Variants in SMCHD1 observed in about 807,000 individuals in gnomAD.
The protein encoded by SMCHD1 is structural maintenance of chromosomes flexible hinge domain-containing protein 1.
Under a neutral mutation model 254.7 loss-of-function variants are expected in SMCHD1, and 78 were observed. That is an observed-to-expected ratio of 0.31 (90% CI 0.26 to 0.37). The LOEUF (loss-of-function observed/expected upper bound fraction) is 0.37, where lower values mean the gene tolerates loss of function less well. Ranked by LOEUF, SMCHD1 falls within the 10% of genes least tolerant of loss-of-function variation. The pLI, the probability that SMCHD1 is intolerant of heterozygous loss-of-function variation, is 1.00. For missense variants in SMCHD1, 1,840 were observed against 2,408.1 expected, an observed-to-expected ratio of 0.76 and a Z score of 4.94; for synonymous variants, 766 against 794.9, an observed-to-expected ratio of 0.96 and a Z score of 0.61.
intron 12 of SMCHD1, chr18:2,702,308 A>AAAAAAAAAAAAAAAAAG (rs57964967): frequency 8.3e-6 from 1 of 119,786 alleles, no homozygotes; most frequent in African/African-American, 2.8e-5. Context: ...AAAAAAAAAA[A>AAAAAAAAAAAAAAAAAG]GAAGGAAATG....
intron 45 of SMCHD1, among the ~76,000 whole-genome samples, chr18:2,792,941 C>CA (rs2076192333): frequency 6.6e-6 from 1 of 152,174 alleles, no homozygotes; most frequent in Non-Finnish European, 1.5e-5. Flanking sequence ...CCCACCCTGT[C>CA]ACAGCTTGCC....
intron 8 of SMCHD1, among the ~76,000 whole-genome samples, chr18:2,696,409 G>A (rs924333437): frequency 6.6e-6 from 1 of 152,278 alleles, no homozygotes; most frequent in African/African-American, 2.4e-5. Flanking sequence ...ATAGGAGCAC[G>A]AACCCTAATG....
chr18:2,773,118 T>C (rs186368727), intron 41 of SMCHD1, among the ~76,000 whole-genome samples: 3 of 152,262 alleles, frequency 2.0e-5, no homozygotes, highest in Admixed American at 2.0e-4. Flanking sequence ...CCACTGAAAA[T>C]AGGGGGTAAC....
chr18:2,750,035 G>GTTTT lies in SMCHD1; in HGVS notation c.3928-6_3928-3dup. On this transcript the variant is annotated splice_polypyrimidine_tract_variant and splice_region_variant and intron_variant, in intron 30 of 47. Transcript: ENST00000320876. ...CTAATTAACCATTTTGTTTTGTTTT[G>GTTTT]TTTTTAGCTCATGCCTTCAAACCAA... 1 of 1,550,678 alleles carries GTTTT rather than the reference G, an allele frequency of 6.4e-7. No homozygotes were observed. Among genetic ancestry groups the GTTTT allele is most frequent in the Non-Finnish European group, 8.7e-7 (1 of 1,147,442 alleles).
chr18:2,670,721 T>C (rs1193506392), intron 3 of SMCHD1, among the ~76,000 whole-genome samples: 1 of 151,804 alleles, frequency 6.6e-6, no homozygotes, highest in African/African-American at 2.4e-5. Flanking sequence ...GCCAACATGG[T>C]GAAACCCCGT....
intron 45 of SMCHD1, among the ~76,000 whole-genome samples, chr18:2,785,429 A>G (rs1055436034): frequency 6.6e-6 from 1 of 152,060 alleles, no homozygotes; most frequent in African/African-American, 2.4e-5. Context: ...TAGGCGGATC[A>G]TGAGGTCAGG....
chr18:2,761,476 C>T (rs1474687137), intron 35 of SMCHD1, among the ~76,000 whole-genome samples: 3 of 152,050 alleles, frequency 2.0e-5, no homozygotes, highest in Non-Finnish European at 4.4e-5. Flanking sequence ...TATTAGAATT[C>T]TGGATAGTGA....
In SMCHD1 at chr18:2,661,335, T is replaced by TAA. The variant is rs34594870; in HGVS notation, c.187-4810_187-4809dup. Among the ~76,000 whole-genome samples the TAA allele has an allele frequency of 4.8e-4, 70 of 144,392 alleles. 1 individual carries two copies. The South Asian group carries it at 0.015, about 30-fold the overall frequency. 94.7% of individuals were successfully genotyped at this position (144,392 alleles called of 152,430 possible). On this transcript the variant is annotated intron_variant, in intron 1 of 47. Coordinates refer to ENST00000320876, the MANE Select transcript of SMCHD1 (RefSeq NM_015295.3). ...TGTTCTGCACATGTATCCAGGAACT[T>TAA]AAAAAAAAAAAAAGATAGTTTGTGT...
At chr18:2,668,997 C>T (rs2073519448) in intron 3 of SMCHD1, among the ~76,000 whole-genome samples, 1 of 151,676 alleles carries the variant, frequency 6.6e-6, no homozygotes, top group Non-Finnish European at 1.5e-5. Flanking sequence ...GCCTCAGTCT[C>T]CTGAATGACT....
intron 44 of SMCHD1, among the ~76,000 whole-genome samples, 169 bp downstream of exon 44, chr18:2,778,408 C>G (rs920715908): frequency 1.3e-5 from 2 of 152,048 alleles, no homozygotes; most frequent in Non-Finnish European, 2.9e-5. Flanking sequence ...GACCAGGATG[C>G]AAATTTAAAT....
intron 27 of SMCHD1, among the ~76,000 whole-genome samples, chr18:2,740,166 G>A (rs1457390009): frequency 2.0e-5 from 3 of 152,010 alleles, no homozygotes; most frequent in Non-Finnish European, 2.9e-5. Context: ...TCGCACTTAA[G>A]AGTGAGAACA....
In SMCHD1 at chr18:2,803,198, G is replaced by GTATATATA. The variant is rs1555660641; in HGVS notation, c.*659_*666dup. The GTATATATA allele has an allele frequency of 8.8e-5, 12 of 136,512 alleles. No homozygotes were observed. Among genetic ancestry groups the GTATATATA allele is most frequent in the African/African-American group, 1.4e-4 (5 of 36,868 alleles). The allele number at this position is 136,512 out of a possible 1,614,324, so 8.5% of individuals were successfully genotyped here. Reference sequence around the variant, plus strand: ...ACTTATCCTGTGTGTGTGTGTGTGTGTATATATATATATATATATAAATAT... The same window carrying GTATATATA: ...ACTTATCCTGTGTGTGTGTGTGTGTGTATATATATATATATATATATATATATAAATAT... On this transcript the variant is annotated 3_prime_UTR_variant, in exon 48 of 48. Transcript: ENST00000320876.
intron 44 of SMCHD1, chr18:2,778,877 A>G (rs2076109589): frequency 6.6e-6 from 1 of 152,212 alleles, no homozygotes; most frequent in South Asian, 2.1e-4. Flanking sequence ...TAAAGACCCT[A>G]TCTCCAAATA....
At chr18:2,693,129 G>A (rs760965348) in intron 7 of SMCHD1, among the ~76,000 whole-genome samples, 7 of 152,138 alleles carry the variant, frequency 4.6e-5, no homozygotes, top group Non-Finnish European at 7.3e-5. Context: ...TGAAAGAGCT[G>A]TAACACTTTT....
chr18:2,742,229 C>G (rs1043652598), intron 28 of SMCHD1, among the ~76,000 whole-genome samples: 1 of 152,180 alleles, frequency 6.6e-6, no homozygotes, highest in East Asian at 1.9e-4. Flanking sequence ...GCTCTTTACT[C>G]TCCAGCCAAG....
At chr18:2,729,218 C>T (rs962383591) in intron 23 of SMCHD1, 57 bp from the exon 24 acceptor site, 75 of 1,297,104 alleles carry the variant, frequency 5.8e-5, no homozygotes, top group Non-Finnish European at 6.9e-5. Context: ...TGAACAATTA[C>T]GGAAGAATCA....
At chr18:2,683,562 A>G (rs1318135923) in intron 5 of SMCHD1, among the ~76,000 whole-genome samples, 1 of 152,164 alleles carries the variant, frequency 6.6e-6, no homozygotes, top group African/African-American at 2.4e-5. Context: ...TGAATTTTCT[A>G]TGTGTCTTTG....
chr18:2,715,733 T>C (rs1241603804), intron 17 of SMCHD1, among the ~76,000 whole-genome samples: 1 of 152,138 alleles, frequency 6.6e-6, no homozygotes, highest in East Asian at 1.9e-4. Context: ...AATATATACC[T>C]GTAGTCCCAG....
chr18:2,662,954 G>GTA (rs2073337745), intron 1 of SMCHD1, among the ~76,000 whole-genome samples: 1 of 151,982 alleles, frequency 6.6e-6, no homozygotes, highest in Admixed American at 6.6e-5. Flanking sequence ...AGTGTGTAAG[G>GTA]TACCTATTTC....
Sources: gnomAD v4.1 joint callset for allele counts (sites outside exome capture counted in the v4.1 genomes callset) on GRCh38, gnomAD v4.1.1 for gene constraint, MANE v1.5 for transcripts, NCBI Gene and HGNC (gene_info 2026-07-23, HGNC 2026-07-21) for gene names.